The following UNC13C variants were observed in gnomAD, a reference collection of about 807,000 sequenced individuals.
The protein encoded by UNC13C is unc-13 homolog C.
UNC13C carries 174 observed loss-of-function variants against 245.4 expected under a neutral mutation model. The ratio of observed to expected loss-of-function variants is 0.71; its 90% CI spans 0.63 to 0.80. UNC13C has a LOEUF of 0.80. Ranked by LOEUF, UNC13C falls within the 30% of genes least tolerant of loss-of-function variation. The pLI is 0.00. For synonymous variants in UNC13C, 992 were observed against 895.1 expected, an observed-to-expected ratio of 1.11 and a Z score of -1.93; for missense variants, 2,829 against 2,602.9, an observed-to-expected ratio of 1.09 and a Z score of -1.89.
At chr15:54,026,603 A>G (rs1355748203) in intron 2 of UNC13C, among the ~76,000 whole-genome samples, 1 of 152,188 alleles carries the variant, frequency 6.6e-6, no homozygotes, top group Non-Finnish European at 1.5e-5. Context: ...AAACCCATGG[A>G]TCACATTAAG....
At chr15:54,147,202 T>A (rs1462098186) in intron 4 of UNC13C, among the ~76,000 whole-genome samples, 1 of 144,714 alleles carries the variant, frequency 6.9e-6, no homozygotes, top group African/African-American at 2.6e-5. Context: ...CTACCGAGCA[T>A]CAATTTGATG....
At chr15:54,337,773 C>G (rs772361344) in intron 16 of UNC13C, among the ~76,000 whole-genome samples, 29 of 152,086 alleles carry the variant, frequency 1.9e-4, no homozygotes, top group African/African-American at 5.3e-4. Context: ...CCATTTTGCT[C>G]TTATGCTTAA....
chr15:54,283,744 A>C (rs2140920874), intron 10 of UNC13C, among the ~76,000 whole-genome samples: 1 of 150,014 alleles, frequency 6.7e-6, no homozygotes. Flanking sequence ...GTGTGTATGT[A>C]ATATTTAATC....
chr15:54,352,637 C>T (rs1419399056), intron 17 of UNC13C, among the ~76,000 whole-genome samples: 2 of 151,914 alleles, frequency 1.3e-5, no homozygotes, highest in South Asian at 2.1e-4. Context: ...TGTATTTTTG[C>T]TATCACTCAT....
the UNC13C span, among the ~76,000 whole-genome samples, chr15:53,861,834 C>T: frequency 6.6e-6 from 1 of 152,046 alleles, no homozygotes; most frequent in Non-Finnish European, 1.5e-5. Flanking sequence ...AACTGCCTAC[C>T]TTTCTCTTGT....
intron 7 of UNC13C, among the ~76,000 whole-genome samples, chr15:54,248,828 AG>A (rs2036065959): frequency 1.3e-5 from 2 of 152,180 alleles, no homozygotes; most frequent in Admixed American, 1.3e-4. Context: ...GTTCCCTGGT[AG>A]GGGACCTCCT....
At chr15:54,517,958 A>G (rs1340439980) in intron 24 of UNC13C, among the ~76,000 whole-genome samples, 1 of 152,204 alleles carries the variant, frequency 6.6e-6, no homozygotes, top group African/African-American at 2.4e-5. Context: ...AGGGAAATGT[A>G]ATTTGGCTGA....
At chr15:54,491,397 G>A (rs1038824565) in intron 19 of UNC13C, among the ~76,000 whole-genome samples, 1 of 151,956 alleles carries the variant, frequency 6.6e-6, no homozygotes, top group African/African-American at 2.4e-5. Flanking sequence ...AAAGTTGTAC[G>A]TAATAGCAGT....
At chr15:54,187,628 AG>A in intron 4 of UNC13C, among the ~76,000 whole-genome samples, 1 of 152,244 alleles carries the variant, frequency 6.6e-6, no homozygotes, top group East Asian at 1.9e-4. Context: ...GCCTGTCCTC[AG>A]AAAAAGCCTT....
intron 2 of UNC13C, among the ~76,000 whole-genome samples, chr15:54,075,211 C>G (rs1430060556): frequency 4.6e-5 from 7 of 152,082 alleles, no homozygotes; most frequent in Non-Finnish European, 1.0e-4. Context: ...CAAGGCCGGG[C>G]GCGGTGGCTC....
chr15:54,494,381 G>C (rs1893858867), intron 19 of UNC13C, among the ~76,000 whole-genome samples: 1 of 152,054 alleles, frequency 6.6e-6, no homozygotes, highest in Non-Finnish European at 1.5e-5. Context: ...AGCTGGATTA[G>C]AACATTGAAG....
intron 19 of UNC13C, among the ~76,000 whole-genome samples, chr15:54,467,674 C>T (rs1567301188): frequency 6.6e-6 from 1 of 151,788 alleles, no homozygotes; most frequent in South Asian, 2.1e-4. Flanking sequence ...CAATTCTATT[C>T]TCTAATTCTT....
At chr15:54,509,356 A>G (rs1205501961) in intron 23 of UNC13C, among the ~76,000 whole-genome samples, 4 of 152,242 alleles carry the variant, frequency 2.6e-5, no homozygotes, top group African/African-American at 9.6e-5. Context: ...TTATTTATTT[A>G]ATTTCACATT....
At chr15:53,903,153 T>C in the UNC13C span, among the ~76,000 whole-genome samples, 1 of 152,202 alleles carries the variant, frequency 6.6e-6, no homozygotes, top group African/African-American at 2.4e-5. Context: ...TACATTATGG[T>C]GACATATAGA....
At chr15:54,485,441 G>A (rs1893354811) in intron 19 of UNC13C, among the ~76,000 whole-genome samples, 1 of 152,118 alleles carries the variant, frequency 6.6e-6, no homozygotes, top group African/African-American at 2.4e-5. Context: ...ATGCCTCACC[G>A]CTTCTACCAC....
At chr15:53,903,973 T>C in the UNC13C span, among the ~76,000 whole-genome samples, 1 of 152,200 alleles carries the variant, frequency 6.6e-6, no homozygotes, top group African/African-American at 2.4e-5. Context: ...TACAGTGACA[T>C]TGTGCAGGGA....
chr15:53,869,587 A>G, the UNC13C span, among the ~76,000 whole-genome samples: 1 of 152,238 alleles, frequency 6.6e-6, no homozygotes. Context: ...TAATTCTTAC[A>G]TGCGGGGGCT....
chr15:54,214,685 C>T (rs951728507), intron 4 of UNC13C, among the ~76,000 whole-genome samples: 23 of 151,956 alleles, frequency 1.5e-4, no homozygotes, highest in Admixed American at 3.9e-4. Context: ...AGATTTGATT[C>T]TACTTAATGA....
intron 30 of UNC13C, among the ~76,000 whole-genome samples, chr15:54,600,874 C>T (rs953647619): frequency 1.3e-5 from 2 of 152,130 alleles, no homozygotes; most frequent in Admixed American, 1.3e-4. Context: ...CTCAGGTAAT[C>T]TATAGTCTAA....
Sources: allele counts gnomAD v4.1 joint callset (sites outside exome capture counted in the v4.1 genomes callset), GRCh38; gene constraint gnomAD v4.1.1; transcripts MANE v1.5; gene names NCBI Gene and HGNC (gene_info 2026-07-23, HGNC 2026-07-21).